Variants in ADGRL3 observed in about 807,000 individuals in gnomAD.
The protein encoded by ADGRL3 is adhesion G protein-coupled receptor L3, also known as calcium-independent alpha-latrotoxin receptor 3.
ADGRL3 carries 62 observed loss-of-function variants against 153.5 expected under a neutral mutation model. The observed-to-expected ratio is 0.40, with a 90% CI of 0.33 to 0.50. The LOEUF (loss-of-function observed/expected upper bound fraction) is 0.50, where lower values mean the gene tolerates loss of function less well. Among genes scored for constraint, ADGRL3 ranks in the 20% least tolerant of loss-of-function variants. The pLI, the probability that ADGRL3 is intolerant of heterozygous loss-of-function variation, is 0.47. For synonymous variants in ADGRL3, 710 were observed against 672.5 expected (o/e 1.06, Z -0.86); for missense variants, 1,641 against 1,859.4 (o/e 0.88, Z 2.16).
intron 1 of ADGRL3, among the ~76,000 whole-genome samples, chr4:61,318,210 A>AAAAAAAAC (rs1560467266): frequency 1.5e-4 from 20 of 136,480 alleles, no homozygotes; most frequent in Non-Finnish European, 2.3e-4. Flanking sequence ...AAAAAAAAAA[A>AAAAAAAAC]AAAACACAAA....
intron 17 of ADGRL3, among the ~76,000 whole-genome samples, chr4:61,959,905 G>T (rs561530447): frequency 4.6e-5 from 7 of 152,142 alleles, no homozygotes; most frequent in African/African-American, 1.7e-4. Context: ...GTGGGATTTA[G>T]GTGGAGGTGG....
intron 9 of ADGRL3, among the ~76,000 whole-genome samples, chr4:61,887,774 G>C (rs1373526372): frequency 6.6e-6 from 1 of 152,180 alleles, no homozygotes; most frequent in African/African-American, 2.4e-5. Context: ...GAACCCAGGA[G>C]GTGGACGTTG....
intron 2 of ADGRL3, among the ~76,000 whole-genome samples, chr4:61,442,799 A>G (rs335274): frequency 0.93 from 141,652 of 152,048 alleles, 66,825 homozygotes; most frequent in East Asian, 1. Context: ...ATGATTATGC[A>G]CCTTAATAAT....
At chr4:61,660,491 C>T (rs899234869) in intron 5 of ADGRL3, among the ~76,000 whole-genome samples, 1 of 151,958 alleles carries the variant, frequency 6.6e-6, no homozygotes, top group Non-Finnish European at 1.5e-5. Context: ...TTTATTTAGT[C>T]ATTATTTATT....
intron 8 of ADGRL3, among the ~76,000 whole-genome samples, chr4:61,753,040 A>C (rs1487817519): frequency 6.6e-6 from 1 of 152,132 alleles, no homozygotes; most frequent in Non-Finnish European, 1.5e-5. Context: ...TTTACAGTCC[A>C]AAAACTGAGT....
chr4:61,694,405 T>C (rs1305987756), intron 6 of ADGRL3, among the ~76,000 whole-genome samples: 1 of 152,056 alleles, frequency 6.6e-6, no homozygotes, highest in Non-Finnish European at 1.5e-5. Context: ...CATATTACAA[T>C]AAAGATTTTT....
In ADGRL3 at chr4:61,894,284, A is replaced by T. The variant is rs559044607; in HGVS notation, c.1783+1326A>T. Among the ~76,000 whole-genome samples the T allele has an allele frequency of 8.5e-5, 13 of 152,282 alleles. No individual in the cohort carries two copies. In the East Asian group the frequency reaches 1.9e-3, roughly 23 times the overall value. On this transcript the variant is annotated intron_variant, in intron 10 of 26. Coordinates refer to ENST00000683033, the MANE Select transcript of ADGRL3 (RefSeq NM_001387552.1). ...AAAAAGTTTTTCTTAGAAAGTTCTG[A>T]TATGGGTATATCATTTCATATTCCA...
rs1371522425 is a variant in ADGRL3 at position 62,074,638 on chromosome 4, AGT to A, written c.*3731_*3732del. Reference sequence around the variant, plus strand: ...TGAACTGACAGAACAATTATCTTGAAGTAACAATAATCAGGAAAATATCTAAC... The same window carrying A: ...TGAACTGACAGAACAATTATCTTGAAAACAATAATCAGGAAAATATCTAAC... On this transcript the variant is annotated 3_prime_UTR_variant, in exon 27 of 27. Transcript: ENST00000683033. 1.3e-5 allele frequency: 2 copies of A among 152,210 alleles called. No individual in the cohort carries two copies. Among genetic ancestry groups the A allele is most frequent in the African/African-American group, 4.8e-5 (2 of 41,458 alleles). 9.4% of individuals were successfully genotyped at this position (152,210 alleles called of 1,614,324 possible).
At chr4:61,589,003 T>C (rs2098958151) in intron 5 of ADGRL3, among the ~76,000 whole-genome samples, 1 of 152,094 alleles carries the variant, frequency 6.6e-6, no homozygotes, top group African/African-American at 2.4e-5. Context: ...ACTGAAATTG[T>C]TTTAATCCTT....
intron 4 of ADGRL3, among the ~76,000 whole-genome samples, chr4:61,562,943 T>TAAA (rs2098801287): frequency 1.5e-5 from 1 of 65,196 alleles, no homozygotes; most frequent in African/African-American, 1.0e-4. Flanking sequence ...AGACCCTGTC[T>TAAA]CAAAAAAAAA....
At chr4:61,701,213 T>C (rs2095752516) in intron 6 of ADGRL3, among the ~76,000 whole-genome samples, 1 of 152,112 alleles carries the variant, frequency 6.6e-6, no homozygotes, top group African/African-American at 2.4e-5. Flanking sequence ...GTTCAGCTAA[T>C]GCAGAATCTA....
At chr4:62,037,257 T>C (rs1374168244) in intron 23 of ADGRL3, among the ~76,000 whole-genome samples, 2 of 151,496 alleles carry the variant, frequency 1.3e-5, no homozygotes, top group Non-Finnish European at 2.9e-5. Flanking sequence ...TCTCTGATAT[T>C]TCTCTCTCTC....
intron 1 of ADGRL3, among the ~76,000 whole-genome samples, chr4:61,218,062 G>A (rs976992394): frequency 7.9e-5 from 12 of 152,142 alleles, no homozygotes; most frequent in African/African-American, 2.9e-4. Context: ...ACTTTCTACA[G>A]TATGTAATGA....
At chr4:61,313,850 G>A (rs2095104935) in intron 1 of ADGRL3, among the ~76,000 whole-genome samples, 1 of 152,132 alleles carries the variant, frequency 6.6e-6, no homozygotes, top group South Asian at 2.1e-4. Context: ...AGCACAGACG[G>A]GAACGAGCCT....
chr4:61,351,968 C>T (rs924354708), intron 1 of ADGRL3, among the ~76,000 whole-genome samples: 35 of 152,076 alleles, frequency 2.3e-4, no homozygotes, highest in Non-Finnish European at 3.5e-4. Flanking sequence ...AAGGCTATAC[C>T]TGTGATAGAC....
chr4:61,966,264 A>T (rs559378476), intron 17 of ADGRL3, among the ~76,000 whole-genome samples: 69 of 152,172 alleles, frequency 4.5e-4, no homozygotes, highest in African/African-American at 1.6e-3. Context: ...AATCTACCAA[A>T]ATTTTATTGA....
chr4:62,048,523 A>T (rs567158220), intron 25 of ADGRL3, among the ~76,000 whole-genome samples: 1 of 151,994 alleles, frequency 6.6e-6, no homozygotes, highest in South Asian at 2.1e-4. Context: ...GGCCTCCCAA[A>T]GTGCTGGGAT....
At chr4:62,028,984 C>T (rs1446953079) in intron 22 of ADGRL3, 103 bp downstream of exon 22, 23 of 994,516 alleles carry the variant, frequency 2.3e-5, no homozygotes, top group Admixed American at 7.2e-5. Context: ...CTGTCATTCA[C>T]GTAGAGGCAG....
At chr4:61,811,754 T>G (rs1361442127) in intron 8 of ADGRL3, among the ~76,000 whole-genome samples, 4 of 152,116 alleles carry the variant, frequency 2.6e-5, no homozygotes. Flanking sequence ...TACCCTGCCA[T>G]TTCTCTATTG....
Sources: allele counts gnomAD v4.1 joint callset (sites outside exome capture counted in the v4.1 genomes callset), GRCh38; gene constraint gnomAD v4.1.1; transcripts MANE v1.5; gene names NCBI Gene and HGNC (gene_info 2026-07-23, HGNC 2026-07-21).